Variants in ATR observed in about 807,000 individuals in gnomAD.
ATR encodes the protein serine/threonine-protein kinase ATR.
A neutral mutation model predicts 305.3 loss-of-function variants in ATR; 142 were observed. The observed-to-expected ratio is 0.47, with a 90% confidence interval of 0.41 to 0.53. The LOEUF is 0.53. ATR is among the 20% of genes least tolerant of loss of function. ATR has a pLI of 0.00. For synonymous variants in ATR, 1,050 were observed against 1,068.1 expected, an observed-to-expected ratio of 0.98 and a Z score of 0.33; for missense variants, 2,135 against 3,133.1, an observed-to-expected ratio of 0.68 and a Z score of 7.60.
chr3:142,469,583 T>C lies in ATR; in HGVS notation c.6320-14A>G. ...CGGAGCGGCCAGCTGGGGGAAGAAATAAGTTTAAAAAACAATAAAGGAAAG... is the reference window on the plus strand; with the variant it reads ...CGGAGCGGCCAGCTGGGGGAAGAAACAAGTTTAAAAAACAATAAAGGAAAG... On this transcript the variant is annotated splice_polypyrimidine_tract_variant and intron_variant, in intron 37 of 46. Transcript: ENST00000350721. 1 of 1,591,588 alleles carries C rather than the reference T, an allele frequency of 6.3e-7. No homozygotes were observed. The highest frequency in any genetic ancestry group is 8.6e-7 in the Non-Finnish European group (1 of 1,160,024).
At chr3:142,455,958 C>A (rs1381719018) in intron 45 of ATR, among the ~76,000 whole-genome samples, 1 of 152,228 alleles carries the variant, frequency 6.6e-6, no homozygotes, top group African/African-American at 2.4e-5. Flanking sequence ...AGACAACCCA[C>A]AGATGGAAGA....
At chr3:142,493,433 TTGC>T in intron 34 of ATR, 122 bp from the exon 35 acceptor site, 1 of 1,118,760 alleles carries the variant, frequency 8.9e-7, no homozygotes, top group Non-Finnish European at 1.2e-6. Flanking sequence ...TATCTTTTAC[TTGC>T]CTCTTATTAA....
rs1443828723 is a variant in ATR, at chr3:142,536,116, A to G, written c.3811T>C (p.Tyr1271His). Reference protein sequence around the residue: ...LKKIKAVLQEYRKETSESTDL... With the variant: ...LKKIKAVLQEHRKETSESTDL... The stretch of plus-strand genomic sequence containing the variant: ...AATTAAAAATTAAATACCTTTCTGT[A>G]TTCCTGGAGAACGGCTTTTATCTTT... Residue 1271 changes from tyrosine (Y) to histidine (H), a missense_variant, in exon 20 of 47, where the codon TAC becomes CAC. Physicochemically the swap from Tyr to His is moderately conservative, Grantham distance 83. Coordinates refer to ENST00000350721, the MANE Select transcript of ATR (RefSeq NM_001184.4). 6.4e-7 allele frequency: 1 copy of G among 1,565,034 alleles called. No homozygotes were observed. The highest frequency in any genetic ancestry group is 1.4e-5 in the African/African-American group (1 of 73,776).
chr3:142,553,432 A>AC (rs2034549803), intron 12 of ATR, 34 bp from the exon 13 acceptor site: 5 of 1,544,224 alleles, frequency 3.2e-6, no homozygotes, highest in African/African-American at 3.0e-5. Context: ...ATGAATACAC[A>AC]AACACACACA....
At chr3:142,541,304 G>A (rs2034044889) in intron 17 of ATR, among the ~76,000 whole-genome samples, 1 of 152,182 alleles carries the variant, frequency 6.6e-6, no homozygotes, top group East Asian at 1.9e-4. Flanking sequence ...ATCTAGAACA[G>A]TACAATTTCT....
At chr3:142,558,852 T>G in intron 7 of ATR, 76 bp from the exon 8 acceptor site, 2 of 1,376,790 alleles carry the variant, frequency 1.5e-6, no homozygotes, top group Non-Finnish European at 2.0e-6. Flanking sequence ...ATAAAGACAT[T>G]TGAAATACTA....
At chr3:142,498,205 A>G (rs2031755537) in intron 32 of ATR, among the ~76,000 whole-genome samples, 1 of 152,182 alleles carries the variant, frequency 6.6e-6, no homozygotes. Context: ...CTTTCTAGTA[A>G]TGTGATGCCT....
At chr3:142,469,860 T>C (rs2071219290) in intron 37 of ATR, among the ~76,000 whole-genome samples, 1 of 152,178 alleles carries the variant, frequency 6.6e-6, no homozygotes, top group Non-Finnish European at 1.5e-5. Context: ...GTTAGATTCA[T>C]TAAGAAATAA....
At chr3:142,479,139 G>A (rs182552897) in intron 36 of ATR, among the ~76,000 whole-genome samples, 1 of 152,188 alleles carries the variant, frequency 6.6e-6, no homozygotes, top group Non-Finnish European at 1.5e-5. Flanking sequence ...TATGATGTTA[G>A]CTGGTTATTT....
Position 142,561,239 on chromosome 3 carries a change from A to G in ATR, c.1349+4T>C, listed in dbSNP as rs758463121. On this transcript the variant is annotated splice_donor_region_variant and intron_variant, in intron 5 of 46. Coordinates refer to ENST00000350721, the MANE Select transcript of ATR (RefSeq NM_001184.4). ...AAATACAAACTGAATGAAGGTCATC[A>G]TACTCCTCAGTCTGTTTTGGTGCTC... 12 of 1,613,116 alleles carry G rather than the reference A, an allele frequency of 7.4e-6. No homozygotes were observed. Among genetic ancestry groups the G allele is most frequent in the Non-Finnish European group, 9.3e-6 (11 of 1,179,062 alleles).
chr3:142,565,730 AT>A (rs1277896108), intron 3 of ATR, among the ~76,000 whole-genome samples: 1 of 86,412 alleles, frequency 1.2e-5, no homozygotes, highest in Non-Finnish European at 2.3e-5. Flanking sequence ...ACCCTGTCTT[AT>A]TTAAAAAAAA....
intron 24 of ATR, among the ~76,000 whole-genome samples, chr3:142,516,984 A>AATATATATATATATATATATATATATAT (rs534243837): frequency 1.4e-5 from 2 of 139,128 alleles, no homozygotes; most frequent in African/African-American, 2.7e-5. Context: ...ATACCCAAAT[A>AATATATATATATATATATATATATATAT]ATATATATAT....
chr3:142,463,617 G>A (rs946263975), intron 41 of ATR, among the ~76,000 whole-genome samples: 2 of 152,072 alleles, frequency 1.3e-5, no homozygotes, highest in African/African-American at 4.8e-5. Context: ...GGCTGGTCTC[G>A]AACTACTGGC....
chr3:142,459,494 GA>G, intron 42 of ATR, 111 bp from the exon 43 acceptor site: 1 of 1,225,760 alleles, frequency 8.2e-7, no homozygotes, highest in Non-Finnish European at 1.2e-6. Flanking sequence ...AATTGTTATT[GA>G]AAAACAAGAA....
intron 17 of ATR, among the ~76,000 whole-genome samples, chr3:142,542,360 C>G (rs2034084026): frequency 6.6e-6 from 1 of 152,184 alleles, no homozygotes; most frequent in Non-Finnish European, 1.5e-5. Flanking sequence ...AAGACTGACT[C>G]TGAGAACTTT....
At chr3:142,525,343 CT>C (rs140444485) in intron 21 of ATR, among the ~76,000 whole-genome samples, 1 of 150,358 alleles carries the variant, frequency 6.7e-6, no homozygotes, top group Admixed American at 6.6e-5. Context: ...TTCTCATAAC[CT>C]TTTTTTTTAC....
At chr3:142,508,642 G>A (rs1414222366) in intron 27 of ATR, among the ~76,000 whole-genome samples, 1 of 152,106 alleles carries the variant, frequency 6.6e-6, no homozygotes, top group African/African-American at 2.4e-5. Context: ...TGAAAGTAAT[G>A]GCTGGGCATG....
chr3:142,540,415 G>A (rs951970180), intron 18 of ATR, among the ~76,000 whole-genome samples: 1 of 152,024 alleles, frequency 6.6e-6, no homozygotes, highest in African/African-American at 2.4e-5. Flanking sequence ...AATGTCTTTG[G>A]GAAAAATACC....
chr3:142,462,185 C>A (rs2071035518), intron 41 of ATR, 95 bp from the exon 42 acceptor site: 1 of 1,262,890 alleles, frequency 7.9e-7, no homozygotes, highest in Middle Eastern at 2.7e-4. Context: ...ATTTCATAAC[C>A]AAAGAATGTC....
Sources: allele counts gnomAD v4.1 joint callset (sites outside exome capture counted in the v4.1 genomes callset), GRCh38; gene constraint gnomAD v4.1.1; transcripts MANE v1.5; gene names NCBI Gene and HGNC (gene_info 2026-07-23, HGNC 2026-07-21).